The following VAPB variants were observed in gnomAD, a reference collection of about 807,000 sequenced individuals.
VAPB encodes VAMP associated protein B and C, also known as vesicle-associated membrane protein-associated protein B/C.
VAPB carries 7 observed loss-of-function variants against 25.6 expected under a neutral mutation model. That is an observed-to-expected ratio of 0.27 (90% CI 0.16 to 0.51). VAPB has a LOEUF of 0.51. VAPB is among the 20% of genes least tolerant of loss of function. The pLI is 0.97. For synonymous variants in VAPB, 112 were observed against 109.2 expected (o/e 1.03, Z -0.16); for missense variants, 266 against 301.3 (o/e 0.88, Z 0.87).
intron 2 of VAPB, among the ~76,000 whole-genome samples, chr20:58,426,796 A>G (rs1468721435): frequency 6.6e-6 from 1 of 152,174 alleles, no homozygotes; most frequent in Non-Finnish European, 1.5e-5. Context: ...ACTTGGAAAA[A>G]TCTAGAAGGA....
intron 1 of VAPB, among the ~76,000 whole-genome samples, chr20:58,410,088 CA>C (rs982557883): frequency 9.9e-5 from 15 of 152,036 alleles, no homozygotes; most frequent in Admixed American, 2.0e-4. Context: ...TAGGTTCACA[CA>C]AAAACTGAGC....
intron 1 of VAPB, among the ~76,000 whole-genome samples, chr20:58,413,368 T>C (rs1269618667): frequency 6.6e-6 from 1 of 151,838 alleles, no homozygotes; most frequent in African/African-American, 2.4e-5. Context: ...GCATGCTGCC[T>C]TCAAGCATCT....
chr20:58,423,414 CAAAAAAAAAAAAAAAAAAA>C (rs59133081), intron 2 of VAPB, among the ~76,000 whole-genome samples: 30 of 34,772 alleles, frequency 8.6e-4, no homozygotes, highest in East Asian at 3.6e-3. Context: ...CTCCATCTCA[CAAAAAAAAAAAAAAAAAAA>C]AAAAAAAAAA....
At chr20:58,411,661 CATTTTATTTT>C (rs534774180) in intron 1 of VAPB, among the ~76,000 whole-genome samples, 11 of 152,058 alleles carry the variant, frequency 7.2e-5, no homozygotes, top group African/African-American at 2.7e-4. Flanking sequence ...TTAGGTTGTT[CATTTTATTTT>C]ATTTTATTTT....
At chr20:58,427,593 A>T (rs1419106125) in intron 2 of VAPB, among the ~76,000 whole-genome samples, 1 of 152,044 alleles carries the variant, frequency 6.6e-6, no homozygotes, top group Non-Finnish European at 1.5e-5. Flanking sequence ...GGCAAAAGTG[A>T]TCTGTGATCT....
chr20:58,416,694 A>G (rs1216287751), intron 1 of VAPB, among the ~76,000 whole-genome samples: 1 of 151,828 alleles, frequency 6.6e-6, no homozygotes, highest in African/African-American at 2.4e-5. Context: ...ATTGAGTCCC[A>G]TTTCCTTCCT....
Position 58,448,119 on chromosome 20 carries a change from T to C in VAPB, c.*3884T>C. The C allele has an allele frequency of 2.2e-6, 1 of 454,108 alleles. No homozygotes were observed. Among genetic ancestry groups the C allele is most frequent in the South Asian group, 1.6e-5 (1 of 64,476 alleles). The allele number at this position is 454,108 out of a possible 1,614,324, so 28.1% of individuals were successfully genotyped here. On this transcript the variant is annotated 3_prime_UTR_variant, in exon 6 of 6. Transcript: ENST00000475243. ...TTAACACTTGGGGCCATGTTTGCTG[T>C]TGTTGAGAAGGAGTGTTCTCAAAGA... is the stretch of plus-strand genomic sequence containing the variant.
At chr20:58,391,150 G>A (rs1987785383) in intron 1 of VAPB, among the ~76,000 whole-genome samples, 1 of 152,176 alleles carries the variant, frequency 6.6e-6, no homozygotes, top group African/African-American at 2.4e-5. Context: ...GGGAGGCCTG[G>A]CTTGGCTTCT....
intron 1 of VAPB, among the ~76,000 whole-genome samples, chr20:58,405,367 G>A (rs979900009): frequency 6.6e-6 from 1 of 152,154 alleles, no homozygotes; most frequent in African/African-American, 2.4e-5. Flanking sequence ...AAAGAAGAGG[G>A]CAGGAGCCTT....
At position 58,447,799 on chromosome 20, in the gene VAPB, AT is replaced by A. The variant is rs1234790963; in HGVS notation, c.*3565del. 1.5e-5 allele frequency: 7 copies of A among 453,964 alleles called. No homozygotes were observed. Among genetic ancestry groups the A allele is most frequent in the African/African-American group, 1.4e-4 (7 of 49,990 alleles). 28.1% of individuals were successfully genotyped at this position (453,964 alleles called of 1,614,324 possible). On this transcript the variant is annotated 3_prime_UTR_variant, in exon 6 of 6. Transcript: ENST00000475243. ...AGAATCCATGCCAAAATACAATGTT[AT>A]ATGTCATTTTCAGCTCCTTCTCTAA...
chr20:58,424,650 A>G (rs1768887168), intron 2 of VAPB, among the ~76,000 whole-genome samples: 1 of 152,240 alleles, frequency 6.6e-6, no homozygotes, highest in Non-Finnish European at 1.5e-5. Flanking sequence ...TTACATTTTA[A>G]AAGATATTTA....
intron 1 of VAPB, among the ~76,000 whole-genome samples, chr20:58,416,620 T>C (rs1004026408): frequency 6.6e-6 from 1 of 152,150 alleles, no homozygotes; most frequent in African/African-American, 2.4e-5. Flanking sequence ...ATGAGTAACG[T>C]TGGATCAAAT....
rs1371936284 is a variant in VAPB at position 58,445,136 on chromosome 20, G to GT, written c.*907dup. 3 of 454,168 alleles carry GT rather than the reference G, an allele frequency of 6.6e-6. No homozygotes were observed. Among genetic ancestry groups the GT allele is most frequent in the African/African-American group, 4.0e-5 (2 of 49,968 alleles). 28.1% of individuals were successfully genotyped at this position (454,168 alleles called of 1,614,324 possible). ...TGCTGGAGAAGAGCTGCCAGGAAGT[G>GT]TTTTTTCTGGGTCAGTAAATAACAA... On this transcript the variant is annotated 3_prime_UTR_variant, in exon 6 of 6. Transcript: ENST00000475243.
At chr20:58,424,492 C>T (rs1254305388) in intron 2 of VAPB, among the ~76,000 whole-genome samples, 1 of 151,698 alleles carries the variant, frequency 6.6e-6, no homozygotes, top group Non-Finnish European at 1.5e-5. Flanking sequence ...GGTGATCAGC[C>T]CCAAGAGACA....
In VAPB at chr20:58,418,206, T is replaced by C; in HGVS notation, c.59-5T>C. ...CCCCCAATCAGTCTCTGTCTCATTC[T>C]ACAGGTCCCTTCACCGATGTTGTCA... On this transcript the variant is annotated splice_region_variant and splice_polypyrimidine_tract_variant and intron_variant, in intron 1 of 5. Coordinates refer to ENST00000475243, the MANE Select transcript of VAPB (RefSeq NM_004738.5). The C allele has an allele frequency of 6.2e-7, 1 of 1,614,150 alleles. No homozygotes were observed. Among genetic ancestry groups the C allele is most frequent in the Non-Finnish European group, 8.5e-7 (1 of 1,180,006 alleles).
chr20:58,399,631 G>A (rs1337320226), intron 1 of VAPB, among the ~76,000 whole-genome samples: 4 of 150,708 alleles, frequency 2.7e-5, no homozygotes, highest in Admixed American at 1.3e-4. Context: ...GGCAGGAATC[G>A]CTTGAACCCA....
chr20:58,422,448 T>C (rs1988688483), intron 2 of VAPB, among the ~76,000 whole-genome samples: 2 of 152,218 alleles, frequency 1.3e-5, no homozygotes, highest in African/African-American at 4.8e-5. Flanking sequence ...AATAAAGAAC[T>C]TTTTGAATTA....
chr20:58,418,480 C>G, intron 2 of VAPB, 117 bp downstream of exon 2: 1 of 1,298,020 alleles, frequency 7.7e-7, no homozygotes, highest in African/African-American at 1.6e-5. Flanking sequence ...CTCTCCACCC[C>G]ACCCCCACCC....
chr20:58,445,861 A>G lies in VAPB; in HGVS notation c.*1626A>G, dbSNP rs977580000. The G allele has an allele frequency of 8.8e-6, 4 of 453,842 alleles. No homozygotes were observed. The highest frequency in any genetic ancestry group is 2.0e-5 in the African/African-American group (1 of 49,938). 28.1% of individuals were successfully genotyped at this position (453,842 alleles called of 1,614,324 possible). A position where few individuals can be genotyped will look rare whatever the true frequency, so the allele number is the denominator to read the frequency against. Reference sequence around the variant, plus strand: ...CCCTTCTAGGTCAGGGAACCATGCCATTGAGACTAGTAACGGGCGTTCTGG... The same window carrying G: ...CCCTTCTAGGTCAGGGAACCATGCCGTTGAGACTAGTAACGGGCGTTCTGG... On this transcript the variant is annotated 3_prime_UTR_variant, in exon 6 of 6. Transcript: ENST00000475243.
Sources: gnomAD v4.1 joint callset for allele counts (sites outside exome capture counted in the v4.1 genomes callset) on GRCh38, gnomAD v4.1.1 for gene constraint, MANE v1.5 for transcripts, NCBI Gene and HGNC (gene_info 2026-07-23, HGNC 2026-07-21) for gene names.